HS2ST1: variants seen among roughly 807,000 people sequenced by gnomAD.
HS2ST1 encodes the protein 2-O-sulfotransferase.
Under a neutral mutation model 42.9 loss-of-function variants are expected in HS2ST1, and 18 were observed. The ratio of observed to expected loss-of-function variants is 0.42; its 90% CI spans 0.29 to 0.62. The LOEUF (loss-of-function observed/expected upper bound fraction) is 0.62, where lower values mean the gene tolerates loss of function less well. Ranked by LOEUF, HS2ST1 falls within the 20% of genes least tolerant of loss-of-function variation. The pLI is 0.21. For synonymous variants in HS2ST1, 146 were observed against 152.9 expected, an observed-to-expected ratio of 0.95 and a Z score of 0.33; for missense variants, 334 against 433.8, an observed-to-expected ratio of 0.77 and a Z score of 2.04.
chr1:87,045,309 T>G, intron 1 of HS2ST1: 1 of 1,175,048 alleles, frequency 8.5e-7, no homozygotes, highest in South Asian at 1.2e-5. Context: ...TGAAGCCAGC[T>G]GCAATTTCTC....
At chr1:87,045,752 G>T in intron 1 of HS2ST1, 1 of 927,342 alleles carries the variant, frequency 1.1e-6, no homozygotes, top group South Asian at 1.3e-5. Flanking sequence ...TATTCATACT[G>T]AAAATATGCA....
chr1:87,063,108 C>A (rs1183932295), intron 1 of HS2ST1, among the ~76,000 whole-genome samples: 1 of 152,126 alleles, frequency 6.6e-6, no homozygotes, highest in African/African-American at 2.4e-5. Flanking sequence ...TGCTTTCTTT[C>A]TCCTATTCTT....
At chr1:87,078,768 C>T (rs564516447) in intron 2 of HS2ST1, among the ~76,000 whole-genome samples, 1 of 152,338 alleles carries the variant, frequency 6.6e-6, no homozygotes, top group South Asian at 2.1e-4. Flanking sequence ...TCTTACTCCT[C>T]TGTATTTTCA....
rs1340344616 is a variant in HS2ST1, at chr1:86,962,608, G to GT, written c.124+47449dup. Among the ~76,000 whole-genome samples the GT allele has an allele frequency of 7.9e-5, 12 of 152,306 alleles. No individual in the cohort carries two copies. In the East Asian group the frequency reaches 2.3e-3, roughly 29 times the overall value. On this transcript the variant is annotated intron_variant, in intron 1 of 6. Transcript: ENST00000370550. ...ATATGAAGTTTGGACACATGATTGGGTAAGATACGTGGCTTGCCTGGATGC... is the reference window on the plus strand; with the variant it reads ...ATATGAAGTTTGGACACATGATTGGGTTAAGATACGTGGCTTGCCTGGATGC...
intron 4 of HS2ST1, among the ~76,000 whole-genome samples, chr1:87,097,558 T>C (rs1429711026): frequency 6.6e-6 from 1 of 152,150 alleles, no homozygotes; most frequent in Non-Finnish European, 1.5e-5. Flanking sequence ...CACGCCCAGC[T>C]AATTTTTCTA....
At chr1:87,040,425 C>T (rs1278701700) in intron 1 of HS2ST1, among the ~76,000 whole-genome samples, 1 of 152,076 alleles carries the variant, frequency 6.6e-6, no homozygotes, top group Non-Finnish European at 1.5e-5. Flanking sequence ...TTCTGCCCGT[C>T]TTTGAAGTAC....
At chr1:87,083,777 A>C (rs1304586888) in intron 2 of HS2ST1, among the ~76,000 whole-genome samples, 2 of 152,156 alleles carry the variant, frequency 1.3e-5, no homozygotes. Context: ...GTCATTAATA[A>C]AAATAAACTT....
chr1:86,965,765 A>C (rs1648029515), intron 1 of HS2ST1, among the ~76,000 whole-genome samples: 1 of 152,102 alleles, frequency 6.6e-6, no homozygotes, highest in Non-Finnish European at 1.5e-5. Context: ...ACATTTTTAG[A>C]TATCATAATG....
intron 1 of HS2ST1, among the ~76,000 whole-genome samples, chr1:87,062,343 A>AT (rs1258683489): frequency 1.3e-5 from 2 of 151,260 alleles, no homozygotes; most frequent in Non-Finnish European, 2.9e-5. Flanking sequence ...TAATGTCTTT[A>AT]TATAGTCTTT....
At chr1:87,094,768 A>G (rs944329635) in intron 4 of HS2ST1, among the ~76,000 whole-genome samples, 5 of 152,142 alleles carry the variant, frequency 3.3e-5, no homozygotes, top group Non-Finnish European at 7.4e-5. Flanking sequence ...CTGGAGCTTT[A>G]TCTGTTCTTC....
At chr1:87,009,543 T>C (rs1260912686) in intron 1 of HS2ST1, among the ~76,000 whole-genome samples, 1 of 152,234 alleles carries the variant, frequency 6.6e-6, no homozygotes, top group Non-Finnish European at 1.5e-5. Flanking sequence ...GACATCTCTC[T>C]CACTCCCCAC....
chr1:87,015,035 G>A (rs1006944422), intron 1 of HS2ST1, among the ~76,000 whole-genome samples: 3 of 117,972 alleles, frequency 2.5e-5, no homozygotes, highest in Admixed American at 9.8e-5. Flanking sequence ...TAACTTTGTG[G>A]GGTTTTTTAG....
chr1:86,943,774 C>T (rs1027802256), intron 1 of HS2ST1, among the ~76,000 whole-genome samples: 4 of 151,672 alleles, frequency 2.6e-5, no homozygotes, highest in Non-Finnish European at 4.4e-5. Flanking sequence ...ACCTGTAATC[C>T]CAGCACTTTG....
chr1:87,103,871 A>G (rs566716104), intron 6 of HS2ST1, among the ~76,000 whole-genome samples: 61 of 152,356 alleles, frequency 4.0e-4, no homozygotes, highest in Admixed American at 1.6e-3. Context: ...AGGCCTGTGT[A>G]TAAGTCCTGC....
At chr1:86,960,227 C>CAAAAAAAAA (rs145286319) in intron 1 of HS2ST1, among the ~76,000 whole-genome samples, 1 of 131,490 alleles carries the variant, frequency 7.6e-6, no homozygotes, top group Non-Finnish European at 1.6e-5. Flanking sequence ...TCCACGCCAC[C>CAAAAAAAAA]AAAAAAAAAA....
rs536462433 is a variant in HS2ST1, at chr1:87,106,293, C to A, written c.*1597C>A. 4 of 152,556 alleles carry A rather than the reference C, an allele frequency of 2.6e-5. No homozygotes were observed. Among genetic ancestry groups the A allele is most frequent in the Admixed American group, 2.6e-4 (4 of 15,270 alleles). The allele number at this position is 152,556 out of a possible 1,614,324, so 9.5% of individuals were successfully genotyped here. On this transcript the variant is annotated 3_prime_UTR_variant, in exon 7 of 7. Transcript: ENST00000370550. ...ATGAAATGCCTGTGAACTCTTAAAG[C>A]TTCATGAGCAGCTGCTTGAGTTCAG...
At chr1:87,103,159 A>G (rs925359709) in intron 5 of HS2ST1, among the ~76,000 whole-genome samples, 1 of 152,208 alleles carries the variant, frequency 6.6e-6, no homozygotes, top group Non-Finnish European at 1.5e-5. Context: ...TCTTATATCC[A>G]TATACATTTT....
At chr1:86,954,428 T>G (rs1647619500) in intron 1 of HS2ST1, among the ~76,000 whole-genome samples, 1 of 152,210 alleles carries the variant, frequency 6.6e-6, no homozygotes, top group African/African-American at 2.4e-5. Context: ...TTTAGGTTCT[T>G]GAATTAAGAT....
At chr1:86,985,755 T>G (rs1648766088) in intron 1 of HS2ST1, among the ~76,000 whole-genome samples, 1 of 151,802 alleles carries the variant, frequency 6.6e-6, no homozygotes, top group East Asian at 1.9e-4. Flanking sequence ...AAGAAAAAAT[T>G]TTCAAAGGCC....
Sources: gnomAD v4.1 joint callset for allele counts (sites outside exome capture counted in the v4.1 genomes callset) on GRCh38, gnomAD v4.1.1 for gene constraint, MANE v1.5 for transcripts, NCBI Gene and HGNC (gene_info 2026-07-23, HGNC 2026-07-21) for gene names.